GRIP1: variants seen among roughly 807,000 people sequenced by gnomAD.
GRIP1 encodes glutamate receptor-interacting protein 1.
A neutral mutation model predicts 129.9 loss-of-function variants in GRIP1; 45 were observed. The ratio of observed to expected loss-of-function variants is 0.35; its 90% CI spans 0.27 to 0.44. The LOEUF (loss-of-function observed/expected upper bound fraction) is 0.44. GRIP1 is among the 20% of genes least tolerant of loss of function. The pLI, the probability that GRIP1 is intolerant of heterozygous loss-of-function variation, is 1.00. For missense variants in GRIP1, 1,196 were observed against 1,396.8 expected (o/e 0.86, Z 2.29); for synonymous variants, 530 against 520.8 (o/e 1.02, Z -0.24).
At chr12:66,654,198 A>G (rs1375526064) in intron 1 of GRIP1, among the ~76,000 whole-genome samples, 3 of 152,212 alleles carry the variant, frequency 2.0e-5, no homozygotes, top group Non-Finnish European at 2.9e-5. Flanking sequence ...AAAAATTTGG[A>G]CAAGAAGAAG....
chr12:66,767,883 G>A (rs1402654171), intron 1 of GRIP1, among the ~76,000 whole-genome samples: 1 of 152,082 alleles, frequency 6.6e-6, no homozygotes, highest in East Asian at 1.9e-4. Context: ...ACAACGTGAA[G>A]GTACAACAAC....
chr12:66,773,118 T>C (rs2037871655), intron 1 of GRIP1, among the ~76,000 whole-genome samples: 1 of 152,150 alleles, frequency 6.6e-6, no homozygotes, highest in East Asian at 1.9e-4. Flanking sequence ...AGCTGAGAAA[T>C]GACATTTTCG....
At chr12:66,797,536 T>C (rs927869587) in intron 1 of GRIP1, among the ~76,000 whole-genome samples, 48 of 152,282 alleles carry the variant, frequency 3.2e-4, no homozygotes, top group African/African-American at 1.1e-3. Context: ...TTAGTCCCAT[T>C]AAGAGAATTA....
intron 1 of GRIP1, among the ~76,000 whole-genome samples, chr12:66,867,620 A>G (rs2040228560): frequency 6.6e-6 from 1 of 152,190 alleles, no homozygotes; most frequent in African/African-American, 2.4e-5. Flanking sequence ...CTAATATATA[A>G]TAAAAACAAA....
chr12:66,681,137 G>C (rs775126535), upstream of GRIP1, among the ~76,000 whole-genome samples: 8 of 152,092 alleles, frequency 5.3e-5, no homozygotes, highest in Admixed American at 4.6e-4. Flanking sequence ...TACTGTGGCT[G>C]CCAATCCATA....
chr12:66,589,155 T>C (rs1336652448), intron 2 of GRIP1, among the ~76,000 whole-genome samples: 1 of 151,712 alleles, frequency 6.6e-6, no homozygotes, highest in Non-Finnish European at 1.5e-5. Context: ...ATGAAATACA[T>C]GGTAACTAGT....
chr12:66,725,971 G>A (rs1193142656), intron 1 of GRIP1, among the ~76,000 whole-genome samples: 1 of 152,120 alleles, frequency 6.6e-6, no homozygotes, highest in Non-Finnish European at 1.5e-5. Context: ...ATCACAAAGT[G>A]AATAAATAGC....
At chr12:66,635,833 G>A (rs1003485150) in intron 1 of GRIP1, among the ~76,000 whole-genome samples, 8 of 152,034 alleles carry the variant, frequency 5.3e-5, no homozygotes, top group South Asian at 2.1e-4. Context: ...GGCCAGTAAC[G>A]ACCAATAAAA....
chr12:66,477,258 T>C (rs538440758), intron 7 of GRIP1, among the ~76,000 whole-genome samples: 1 of 152,298 alleles, frequency 6.6e-6, no homozygotes, highest in East Asian at 1.9e-4. Flanking sequence ...AGCCAAATCA[T>C]GAGTGAACTC....
intron 1 of GRIP1, among the ~76,000 whole-genome samples, chr12:66,858,707 A>G (rs2040049469): frequency 6.6e-6 from 1 of 152,014 alleles, no homozygotes; most frequent in Admixed American, 6.6e-5. Flanking sequence ...TCCTCTTTGC[A>G]TTTAAAAGAA....
chr12:66,985,761 A>C (rs887608289), intron 1 of GRIP1, among the ~76,000 whole-genome samples: 1 of 152,194 alleles, frequency 6.6e-6, no homozygotes, highest in African/African-American at 2.4e-5. Context: ...TCCTGCCCTA[A>C]AACAGCACTG....
intron 1 of GRIP1, among the ~76,000 whole-genome samples, chr12:66,824,111 G>A (rs1279072475): frequency 6.6e-6 from 1 of 152,182 alleles, no homozygotes; most frequent in Non-Finnish European, 1.5e-5. Context: ...TGATGTAACC[G>A]TGGCAGAGGT....
chr12:66,761,692 C>T (rs2037481038), intron 1 of GRIP1, among the ~76,000 whole-genome samples: 1 of 152,176 alleles, frequency 6.6e-6, no homozygotes, highest in Admixed American at 6.5e-5. Context: ...CAGCAGGGCT[C>T]ATTAAATATA....
At chr12:66,578,850 C>T (rs1293246802) in intron 2 of GRIP1, among the ~76,000 whole-genome samples, 1 of 152,226 alleles carries the variant, frequency 6.6e-6, no homozygotes, top group Non-Finnish European at 1.5e-5. Context: ...AACAAAAAGA[C>T]AGCAGTAACC....
At chr12:66,563,012 G>A (rs558025323) in intron 2 of GRIP1, among the ~76,000 whole-genome samples, 1 of 152,042 alleles carries the variant, frequency 6.6e-6, no homozygotes, top group South Asian at 2.1e-4. Flanking sequence ...CTGAGGAGAA[G>A]GAAGAGGAGG....
intron 1 of GRIP1, among the ~76,000 whole-genome samples, chr12:66,880,134 G>A (rs1440130147): frequency 6.6e-6 from 1 of 152,094 alleles, no homozygotes; most frequent in Admixed American, 6.6e-5. Context: ...GCAGAGGTCA[G>A]CCCATGACAG....
chr12:66,608,171 T>G (rs763416392), intron 1 of GRIP1, among the ~76,000 whole-genome samples: 1 of 152,172 alleles, frequency 6.6e-6, no homozygotes, highest in African/African-American at 2.4e-5. Context: ...ATGACATGTG[T>G]TTTTAATGCA....
At chr12:66,564,866 T>C (rs559913293) in intron 2 of GRIP1, among the ~76,000 whole-genome samples, 145 of 152,386 alleles carry the variant, frequency 9.5e-4, no homozygotes, top group Non-Finnish European at 1.9e-3. Context: ...TTTGCACTTC[T>C]CTGATGGCCA....
intron 1 of GRIP1, among the ~76,000 whole-genome samples, chr12:66,838,386 G>T (rs1445679382): frequency 2.6e-5 from 4 of 152,082 alleles, no homozygotes; most frequent in Non-Finnish European, 5.9e-5. Context: ...AGCTCAGCAG[G>T]TGATTGGTAA....
Sources: allele counts gnomAD v4.1 joint callset (sites outside exome capture counted in the v4.1 genomes callset), GRCh38; gene constraint gnomAD v4.1.1; transcripts MANE v1.5; gene names NCBI Gene and HGNC (gene_info 2026-07-23, HGNC 2026-07-21).